Variants in CDC42BPB observed in about 807,000 individuals in gnomAD.
CDC42BPB encodes the protein serine/threonine-protein kinase MRCK beta.
CDC42BPB carries 37 observed loss-of-function variants against 214.9 expected under a neutral mutation model. The ratio of observed to expected loss-of-function variants is 0.17; its 90% confidence interval spans 0.13 to 0.23. The LOEUF (loss-of-function observed/expected upper bound fraction) is 0.23, where lower values mean the gene tolerates loss of function less well. Among genes scored for constraint, CDC42BPB ranks in the 10% least tolerant of loss-of-function variants. The pLI, the probability that CDC42BPB is intolerant of heterozygous loss-of-function variation, is 1.00. For synonymous variants in CDC42BPB, 931 were observed against 884.0 expected, an observed-to-expected ratio of 1.05 and a Z score of -0.94; for missense variants, 1,694 against 2,227.0, an observed-to-expected ratio of 0.76 and a Z score of 4.82.
rs752549385 is a variant in CDC42BPB, at chr14:102,945,667, C to A, written c.3806G>T (p.Arg1269Leu). ...GAAACGCCCTGCTCACTCACCATCT[C>A]GGGTGACCTCTATGACATAGAGCCC... is the stretch of plus-strand genomic sequence containing the variant. ...EEGLYVIEVT[R>L]DVIVRAADCK... The change falls in exon 29 of 37, where the codon CGA becomes CTA. Residue 1269 changes from arginine to leucine, a missense_variant. Transcript: ENST00000361246. 1.9e-6 allele frequency: 3 copies of A among 1,612,526 alleles called. No individual in the cohort carries two copies.
At position 102,938,147 on chromosome 14, in the gene CDC42BPB, G is replaced by A. The variant is rs1891721547; in HGVS notation, c.4961C>T (p.Pro1654Leu). The change falls in exon 36 of 37, where the codon CCT (proline) becomes CTT (leucine). Residue 1654 changes from proline (P) to leucine (L), a missense_variant. Pro to Leu is a moderately conservative substitution (Grantham distance 98). This residue lies in a region of CDC42BPB where 146 missense variants were observed against 134.1 expected (regional missense o/e 1.09). Coordinates refer to ENST00000361246, the MANE Select transcript of CDC42BPB (RefSeq NM_006035.4). ...SGGSEPSVTV[P>L]LRSMSDPDQD... ...GTCTGGATCAGACATACTTCTCAGAGGCACAGTCACGCTAGGCTCCGATCC... is the reference window on the plus strand; with the variant it reads ...GTCTGGATCAGACATACTTCTCAGAAGCACAGTCACGCTAGGCTCCGATCC... 6.2e-7 allele frequency: 1 copy of A among 1,613,974 alleles called. No homozygotes were observed. The highest frequency in any genetic ancestry group is 8.5e-7 in the Non-Finnish European group (1 of 1,180,014).
intron 20 of CDC42BPB, among the ~76,000 whole-genome samples, chr14:102,960,768 T>G (rs1001482798): frequency 1.3e-5 from 2 of 152,138 alleles, no homozygotes; most frequent in African/African-American, 4.8e-5. Context: ...GCTTAATAAC[T>G]GGTATTGGAC....
intron 1 of CDC42BPB, among the ~76,000 whole-genome samples, chr14:103,015,951 C>T (rs970195734): frequency 5.9e-5 from 9 of 152,038 alleles, no homozygotes; most frequent in African/African-American, 1.7e-4. Context: ...CTCCTGACCT[C>T]GTGATCCGCC....
At position 102,978,620 on chromosome 14, in the gene CDC42BPB, G is replaced by A. The variant is rs532653275; in HGVS notation, c.1141-415C>T. Among the ~76,000 whole-genome samples, 28 of 152,270 alleles carry A rather than the reference G, an allele frequency of 1.8e-4. No homozygotes were observed. In the South Asian group the frequency reaches 5.6e-3, roughly 30 times the overall value. ...TCAGGTTCTTGACCTAAGACAAGAG[G>A]CCCCAAGGCAAAAAGGAACCCAAAG... On this transcript the variant is annotated intron_variant, in intron 8 of 36. Coordinates refer to ENST00000361246, the MANE Select transcript of CDC42BPB (RefSeq NM_006035.4).
At position 103,056,934 on chromosome 14, in the gene CDC42BPB, G is replaced by C. The variant is rs1031650489; in HGVS notation, c.175+65C>G. On this transcript the variant is annotated intron_variant, in intron 1 of 36. Coordinates refer to ENST00000361246, the MANE Select transcript of CDC42BPB (RefSeq NM_006035.4). ...TCCGGGCGGGGATGGGCGGGCGTGGGGATGCGCGGGCTGGGGCGCGGGGGT... is the reference window on the plus strand; with the variant it reads ...TCCGGGCGGGGATGGGCGGGCGTGGCGATGCGCGGGCTGGGGCGCGGGGGT... The C allele has an allele frequency of 7.7e-6, 9 of 1,171,052 alleles. No individual in the cohort carries two copies. The Middle Eastern group carries it at 1.2e-3, about 158-fold the overall frequency. 72.5% of individuals were successfully genotyped at this position (1,171,052 alleles called of 1,614,324 possible).
Position 102,971,997 on chromosome 14 carries a change from C to T in CDC42BPB, c.1806G>A (p.Glu602=). 2 of 1,614,264 alleles carry T rather than the reference C, an allele frequency of 1.2e-6. No individual in the cohort carries two copies. The highest frequency in any genetic ancestry group is 1.7e-6 in the Non-Finnish European group (2 of 1,180,050). Residue 602 remains glutamate (E), a synonymous_variant, in exon 13 of 37, where the codon GAG becomes GAA. Coordinates refer to ENST00000361246, the MANE Select transcript of CDC42BPB (RefSeq NM_006035.4). The part of the protein sequence containing the change: ...QKVSRQLRDK[E]EEMEVATQKV... ...TCTGCGTGGCCACCTCCATCTCCTC[C>T]TCCTTGTCTCGCAGCTGCCGGGACA...
chr14:102,989,905 T>C (rs1397641707), intron 5 of CDC42BPB, among the ~76,000 whole-genome samples: 1 of 150,912 alleles, frequency 6.6e-6, no homozygotes, highest in Non-Finnish European at 1.5e-5. Context: ...CATGAATTGA[T>C]ATGGAATGAT....
At chr14:103,020,020 G>A (rs1188392155) in intron 1 of CDC42BPB, among the ~76,000 whole-genome samples, 1 of 152,204 alleles carries the variant, frequency 6.6e-6, no homozygotes, top group East Asian at 1.9e-4. Context: ...AGGGTGGGAG[G>A]GTCTGAGGAA....
chr14:102,982,822 T>C (rs1395485291), intron 7 of CDC42BPB, among the ~76,000 whole-genome samples: 4 of 151,322 alleles, frequency 2.6e-5, no homozygotes, highest in Non-Finnish European at 5.9e-5. Flanking sequence ...GAGGTTGCAG[T>C]GAGCCGAGAC....
At chr14:102,949,486 T>A (rs545021363) in intron 26 of CDC42BPB, among the ~76,000 whole-genome samples, 2 of 152,100 alleles carry the variant, frequency 1.3e-5, no homozygotes, top group East Asian at 3.9e-4. Context: ...TATGTTAAAT[T>A]AATTCCCCTG....
Position 102,978,199 on chromosome 14 carries a change from A to G in CDC42BPB, c.1147T>C (p.Leu383=), listed in dbSNP as rs781262070. 10 of 1,612,908 alleles carry G rather than the reference A, an allele frequency of 6.2e-6. No homozygotes were observed. The Admixed American group carries it at 1.2e-4, about 19-fold the overall frequency. The part of the protein sequence containing the change: ...DDDVLRNTEI[L]PPGSHTGFSG... ...AAGCCTGTGTGAGAACCAGGAGGTA[A>G]TATTTCCTGCATAAGAACATATACA... Residue 383 remains leucine, a synonymous_variant, in exon 9 of 37, where the codon TTA becomes CTA. Coordinates refer to ENST00000361246, the MANE Select transcript of CDC42BPB (RefSeq NM_006035.4).
At chr14:103,024,883 T>C (rs553589395) in intron 1 of CDC42BPB, among the ~76,000 whole-genome samples, 2 of 152,286 alleles carry the variant, frequency 1.3e-5, no homozygotes, top group East Asian at 3.9e-4. Flanking sequence ...CCAGTCTAAA[T>C]GTTTGGTATT....
chr14:103,042,817 C>T (rs190363475), intron 1 of CDC42BPB, among the ~76,000 whole-genome samples: 25 of 152,270 alleles, frequency 1.6e-4, no homozygotes, highest in African/African-American at 5.5e-4. Flanking sequence ...AACTGGAACC[C>T]TTGTGGGCTG....
At position 103,004,822 on chromosome 14, in the gene CDC42BPB, TTG is replaced by T; in HGVS notation, c.352-801_352-800del. 6.6e-6 allele frequency among the ~76,000 whole-genome samples: 1 copy of T among 151,226 alleles called. No individual in the cohort carries two copies. The highest frequency in any genetic ancestry group is 1.9e-4 in the East Asian group (1 of 5,136). ...AAGCGGAGGTTGCGGTGAGCCAAAA[TTG>T]CATCACCGTACTCCAGCCTGGACGA... On this transcript the variant is annotated intron_variant, in intron 3 of 36. Transcript: ENST00000361246. The surrounding 1 kb of genome is among the most constrained non-coding windows in gnomAD (Gnocchi z 5.3).
At chr14:103,032,709 T>C (rs1374501106) in intron 1 of CDC42BPB, among the ~76,000 whole-genome samples, 1 of 150,222 alleles carries the variant, frequency 6.7e-6, no homozygotes, top group Non-Finnish European at 1.5e-5. Context: ...CTAGGCTCAT[T>C]GCGACCTCTG....
At chr14:103,048,532 C>CAA (rs71119751) in intron 1 of CDC42BPB, among the ~76,000 whole-genome samples, 980 of 42,636 alleles carry the variant, frequency 0.023, 58 homozygotes, top group African/African-American at 0.064. Flanking sequence ...ACTAAAAATA[C>CAA]AAAAAAAAAA....
chr14:102,976,903 C>A (rs1287677889), intron 9 of CDC42BPB, among the ~76,000 whole-genome samples: 1 of 152,160 alleles, frequency 6.6e-6, no homozygotes, highest in Non-Finnish European at 1.5e-5. Context: ...AGATCAAGAA[C>A]CTCTGCACTG....
chr14:102,981,855 C>T (rs1894018671), intron 7 of CDC42BPB, among the ~76,000 whole-genome samples: 1 of 152,134 alleles, frequency 6.6e-6, no homozygotes, highest in Admixed American at 6.6e-5. Flanking sequence ...GATACAATGA[C>T]AAAAAACTGT....
intron 29 of CDC42BPB, chr14:102,945,057 A>G (rs917939675): frequency 1.8e-5 from 6 of 326,188 alleles, no homozygotes; most frequent in Non-Finnish European, 3.7e-5. Context: ...TCGCTTGCTC[A>G]GATCTCCCCA....
Sources: gnomAD v4.1 joint callset for allele counts (sites outside exome capture counted in the v4.1 genomes callset) on GRCh38, gnomAD v4.1.1 for gene constraint, gnomAD v4.1.1 regional missense constraint, Gnocchi (gnomAD v3.1) non-coding constraint, MANE v1.5 for transcripts, NCBI Gene and HGNC (gene_info 2026-07-23, HGNC 2026-07-21) for gene names.